Variants in ASXL3 observed in about 807,000 individuals in gnomAD.
ASXL3 encodes putative Polycomb group protein ASXL3.
Under a neutral mutation model 170.6 loss-of-function variants are expected in ASXL3, and 34 were observed. The observed-to-expected ratio is 0.20, with a 90% CI of 0.15 to 0.27. The LOEUF (loss-of-function observed/expected upper bound fraction) is 0.27. Ranked by LOEUF, ASXL3 falls within the 10% of genes least tolerant of loss-of-function variation. ASXL3 has a pLI of 1.00. For missense variants in ASXL3, 2,592 were observed against 2,695.3 expected, an observed-to-expected ratio of 0.96 and a Z score of 0.85; for synonymous variants, 1,002 against 989.1, an observed-to-expected ratio of 1.01 and a Z score of -0.24.
At chr18:33,594,841 C>G (rs1462782618) in intron 1 of ASXL3, among the ~76,000 whole-genome samples, 5 of 152,106 alleles carry the variant, frequency 3.3e-5, no homozygotes, top group Non-Finnish European at 7.4e-5. Flanking sequence ...TCCCAAAGTG[C>G]TGGGATTACA....
chr18:33,685,662 A>G (rs1334100238), intron 8 of ASXL3, among the ~76,000 whole-genome samples: 2 of 152,196 alleles, frequency 1.3e-5, no homozygotes, highest in African/African-American at 4.8e-5. Context: ...TTTTCAGGCT[A>G]TACACAAAGC....
At chr18:33,731,858 C>T in intron 8 of ASXL3, 110 bp from the exon 9 acceptor site, 1 of 696,238 alleles carries the variant, frequency 1.4e-6, no homozygotes. Context: ...CCCCTTCCTC[C>T]TCCTCACACA....
chr18:33,620,083 A>G (rs944829167), intron 2 of ASXL3, among the ~76,000 whole-genome samples: 11 of 152,106 alleles, frequency 7.2e-5, no homozygotes, highest in Non-Finnish European at 1.5e-4. Context: ...TCACCCATTT[A>G]TTATACTCCC....
intron 1 of ASXL3, among the ~76,000 whole-genome samples, chr18:33,597,309 CCT>C (rs2065136967): frequency 1.3e-5 from 2 of 151,796 alleles, no homozygotes; most frequent in Admixed American, 6.6e-5. Flanking sequence ...ATATATGCGT[CCT>C]CTCTATGTAT....
chr18:33,710,709 A>G (rs527590567), intron 8 of ASXL3, among the ~76,000 whole-genome samples: 17 of 152,064 alleles, frequency 1.1e-4, no homozygotes, highest in Non-Finnish European at 1.6e-4. Flanking sequence ...ATGTAGATCT[A>G]TTGGTGAAGG....
intron 5 of ASXL3, among the ~76,000 whole-genome samples, chr18:33,666,071 G>A (rs1599466615): frequency 1.3e-5 from 2 of 152,078 alleles, no homozygotes; most frequent in African/African-American, 4.8e-5. Flanking sequence ...TGTGTGGTTT[G>A]GACAGTGGAA....
rs1025517688 is a variant in ASXL3, at chr18:33,749,377, A to C, written c.*2782A>C. The C allele has an allele frequency of 1.3e-5, 2 of 152,050 alleles. No homozygotes were observed. The highest frequency in any genetic ancestry group is 2.9e-5 in the Non-Finnish European group (2 of 68,030). The allele number at this position is 152,050 out of a possible 1,614,324, so 9.4% of individuals were successfully genotyped here. ...GTGTGCAAATGTTAGCATGTGCATT[A>C]TCCTGATTACTGGACACAGTTTTAT... On this transcript the variant is annotated 3_prime_UTR_variant, in exon 12 of 12. Transcript: ENST00000269197.
chr18:33,647,323 C>T (rs750153976), intron 4 of ASXL3, among the ~76,000 whole-genome samples: 1 of 152,064 alleles, frequency 6.6e-6, no homozygotes, highest in Non-Finnish European at 1.5e-5. Flanking sequence ...CCTCTCTGAT[C>T]TGTAGCAAAG....
In ASXL3 at chr18:33,620,443, T is replaced by C. The variant is rs1301503736; in HGVS notation, c.137+12767T>C. 7.2e-5 allele frequency among the ~76,000 whole-genome samples: 11 copies of C among 152,160 alleles called. No individual in the cohort carries two copies. The East Asian group carries it at 2.1e-3, about 29-fold the overall frequency. On this transcript the variant is annotated intron_variant, in intron 2 of 11. Coordinates refer to ENST00000269197, the MANE Select transcript of ASXL3 (RefSeq NM_030632.3). ...ACTTTGGAAGCCTCCTCTCCCACTC[T>C]CCCACTCTCCCCCACTACGAGAAGG... is the stretch of plus-strand genomic sequence containing the variant.
chr18:33,710,305 A>G (rs1199311302), intron 8 of ASXL3, among the ~76,000 whole-genome samples: 1 of 152,118 alleles, frequency 6.6e-6, no homozygotes, highest in African/African-American at 2.4e-5. Context: ...TCATTGATCA[A>G]TGTGTTATTT....
intron 1 of ASXL3, among the ~76,000 whole-genome samples, chr18:33,604,139 GCTAT>G (rs1393934362): frequency 4.6e-5 from 7 of 151,998 alleles, no homozygotes; most frequent in African/African-American, 1.7e-4. Context: ...AAAGCATACA[GCTAT>G]TATAAAGGAG....
At chr18:33,619,419 C>T (rs1430910247) in intron 2 of ASXL3, among the ~76,000 whole-genome samples, 1 of 149,918 alleles carries the variant, frequency 6.7e-6, no homozygotes, top group African/African-American at 2.5e-5. Context: ...TCAGTTTATA[C>T]CCTAGTTGTA....
intron 1 of ASXL3, among the ~76,000 whole-genome samples, chr18:33,595,210 G>A (rs1037535374): frequency 6.6e-6 from 1 of 152,078 alleles, no homozygotes; most frequent in Non-Finnish European, 1.5e-5. Context: ...AACTTTGCCC[G>A]TGGACTCCCA....
At chr18:33,613,830 C>T (rs1192773797) in intron 2 of ASXL3, among the ~76,000 whole-genome samples, 1 of 152,050 alleles carries the variant, frequency 6.6e-6, no homozygotes, top group East Asian at 1.9e-4. Context: ...GAGGCTGAAG[C>T]AGGAGGATCA....
At position 33,607,620 on chromosome 18, in the gene ASXL3, A is replaced by G; in HGVS notation, c.81A>G (p.Pro27=). 1 of 1,590,564 alleles carries G rather than the reference A, an allele frequency of 6.3e-7. No individual in the cohort carries two copies. The highest frequency in any genetic ancestry group is 1.3e-5 in the African/African-American group (1 of 74,438). ...RLALEKHPNS[P]MTAKQILEVI... ...CACTAGAAAAACACCCCAACTCACC[A>G]ATGACAGCAAAGCAGATATTGGAAG... is the stretch of plus-strand genomic sequence containing the variant. Residue 27 remains proline (P), a synonymous_variant, in exon 2 of 12, where the codon CCA becomes CCG. Transcript: ENST00000269197.
At chr18:33,712,105 G>A (rs998493347) in intron 8 of ASXL3, among the ~76,000 whole-genome samples, 5 of 152,108 alleles carry the variant, frequency 3.3e-5, no homozygotes, top group African/African-American at 9.7e-5. Flanking sequence ...GAGAACTGTT[G>A]TTGATGCTCC....
At chr18:33,651,049 ACT>A (rs768440143) in intron 4 of ASXL3, among the ~76,000 whole-genome samples, 43 of 152,090 alleles carry the variant, frequency 2.8e-4, no homozygotes, top group Middle Eastern at 3.4e-3. Flanking sequence ...CAAAGGCCAG[ACT>A]CTCATTACTC....
At chr18:33,698,859 C>T (rs189188647) in intron 8 of ASXL3, among the ~76,000 whole-genome samples, 35 of 152,202 alleles carry the variant, frequency 2.3e-4, no homozygotes, top group African/African-American at 8.2e-4. Context: ...TACTTCATTT[C>T]ACTTAGCTAT....
chr18:33,632,640 A>G (rs763212687), intron 2 of ASXL3, among the ~76,000 whole-genome samples: 9 of 152,188 alleles, frequency 5.9e-5, no homozygotes, highest in Non-Finnish European at 1.2e-4. Flanking sequence ...AAAAGCAACA[A>G]GAAAAAACCA....
Sources: gnomAD v4.1 joint callset for allele counts (sites outside exome capture counted in the v4.1 genomes callset) on GRCh38, gnomAD v4.1.1 for gene constraint, MANE v1.5 for transcripts, NCBI Gene and HGNC (gene_info 2026-07-23, HGNC 2026-07-21) for gene names.